BAZ2B: variants seen among roughly 807,000 people sequenced by gnomAD.
BAZ2B encodes bromodomain adjacent to zinc finger domain 2B, also known as bromodomain adjacent to zinc finger domain protein 2B.
In BAZ2B, 91 loss-of-function variants were observed where a neutral mutation model predicts 246.0. The observed-to-expected ratio is 0.37, with a 90% CI of 0.31 to 0.44. The LOEUF (loss-of-function observed/expected upper bound fraction) is 0.44. BAZ2B is among the 20% of genes least tolerant of loss of function. The pLI is 1.00. For missense variants in BAZ2B, 2,332 were observed against 2,533.7 expected, an observed-to-expected ratio of 0.92 and a Z score of 1.71; for synonymous variants, 855 against 860.0, an observed-to-expected ratio of 0.99 and a Z score of 0.10.
chr2:159,376,442 T>TCC (rs1179864813), intron 25 of BAZ2B, among the ~76,000 whole-genome samples: 2 of 152,182 alleles, frequency 1.3e-5, no homozygotes, highest in Non-Finnish European at 2.9e-5. Flanking sequence ...TGTACCATTA[T>TCC]CTCTCATTCA....
chr2:159,629,955 G>A, the BAZ2B span, among the ~76,000 whole-genome samples: 4 of 152,122 alleles, frequency 2.6e-5, no homozygotes, highest in Non-Finnish European at 4.4e-5. Context: ...AGTATAGTAT[G>A]TCACCATTCA....
At chr2:159,428,202 G>T in intron 12 of BAZ2B, 109 bp downstream of exon 12, 1 of 1,129,956 alleles carries the variant, frequency 8.8e-7, no homozygotes, top group Non-Finnish European at 1.3e-6. Flanking sequence ...CCATACAAGA[G>T]AATATTTAGT....
chr2:159,356,252 C>T (rs116281782), intron 27 of BAZ2B, among the ~76,000 whole-genome samples: 4,540 of 152,328 alleles, frequency 0.03, 127 homozygotes, highest in African/African-American at 0.075. Flanking sequence ...GAAATCCTCA[C>T]TGCAAGCACA....
intron 27 of BAZ2B, among the ~76,000 whole-genome samples, chr2:159,359,889 T>C (rs965952935): frequency 2.0e-5 from 3 of 151,978 alleles, no homozygotes; most frequent in Non-Finnish European, 4.4e-5. Flanking sequence ...GAAAAGGCCT[T>C]TGACAAAATT....
intron 2 of BAZ2B, among the ~76,000 whole-genome samples, chr2:159,499,586 G>A (rs1223394422): frequency 6.6e-6 from 1 of 152,118 alleles, no homozygotes; most frequent in Non-Finnish European, 1.5e-5. Context: ...CTAGATCTTT[G>A]AGGAATCGCC....
intron 1 of BAZ2B, among the ~76,000 whole-genome samples, chr2:159,596,406 C>A (rs1158171362): frequency 1.3e-5 from 2 of 152,106 alleles, no homozygotes; most frequent in African/African-American, 4.8e-5. Flanking sequence ...AAAGTTTGTT[C>A]AAGAATATAA....
At chr2:159,632,022 A>G in the BAZ2B span, among the ~76,000 whole-genome samples, 18 of 152,210 alleles carry the variant, frequency 1.2e-4, 1 homozygote, top group Non-Finnish European at 2.9e-5. Context: ...GTGAGTTTCA[A>G]TGCAGACAAA....
the BAZ2B span, among the ~76,000 whole-genome samples, chr2:159,657,139 T>C: frequency 6.6e-6 from 1 of 152,198 alleles, no homozygotes; most frequent in Non-Finnish European, 1.5e-5. Flanking sequence ...TTTAGGTCTA[T>C]CCATGCTTAA....
chr2:159,453,409 A>G (rs1406478733), intron 4 of BAZ2B, among the ~76,000 whole-genome samples: 5 of 152,208 alleles, frequency 3.3e-5, no homozygotes, highest in Admixed American at 1.3e-4. Flanking sequence ...AAATACCTGG[A>G]TATCTAATTA....
chr2:159,336,991 ATGCACAGAGCTACCTGTGCAGCAC>A lies in BAZ2B; in HGVS notation c.5723_5746del (p.Ser1908_Cys1915del). Reference sequence around the variant, plus strand: ...TGCTATTGATTTCTGTAATTGCTGAATGCACAGAGCTACCTGTGCAGCACTGCGAGCTTCTGATAATGCCCTTCT... The same window carrying A: ...TGCTATTGATTTCTGTAATTGCTGAATGCGAGCTTCTGATAATGCCCTTCT... On this transcript the variant is annotated inframe_deletion, in exon 33 of 37. Transcript: ENST00000392783. 1 of 1,610,834 alleles carries A rather than the reference ATGCACAGAGCTACCTGTGCAGCAC, an allele frequency of 6.2e-7. No homozygotes were observed. Among genetic ancestry groups the A allele is most frequent in the Non-Finnish European group, 8.5e-7 (1 of 1,177,264 alleles).
the BAZ2B span, among the ~76,000 whole-genome samples, chr2:159,677,323 C>T: frequency 6.6e-6 from 1 of 151,932 alleles, no homozygotes; most frequent in Admixed American, 6.6e-5. Context: ...AGACTGAATA[C>T]AACACAATGA....
intron 6 of BAZ2B, among the ~76,000 whole-genome samples, chr2:159,440,835 C>G (rs1004966457): frequency 6.6e-6 from 1 of 152,006 alleles, no homozygotes; most frequent in African/African-American, 2.4e-5. Flanking sequence ...TTAACTGCTC[C>G]AAACTAGTTA....
intron 1 of BAZ2B, among the ~76,000 whole-genome samples, chr2:159,595,217 C>T (rs955867561): frequency 1.3e-5 from 2 of 152,072 alleles, no homozygotes; most frequent in African/African-American, 4.8e-5. Context: ...ATTCTCCTGC[C>T]TCATCCTCCT....
chr2:159,415,212 T>C (rs2067473957), intron 13 of BAZ2B, among the ~76,000 whole-genome samples: 2 of 151,936 alleles, frequency 1.3e-5, no homozygotes, highest in African/African-American at 2.4e-5. Context: ...TTTGGGAGGC[T>C]AAGGCGGGCA....
At chr2:159,342,418 T>C (rs2149041475) in intron 31 of BAZ2B, among the ~76,000 whole-genome samples, 1 of 152,310 alleles carries the variant, frequency 6.6e-6, no homozygotes, top group South Asian at 2.1e-4. Flanking sequence ...CCCAAGTAGC[T>C]GGGACTATAG....
chr2:159,385,461 G>T, intron 22 of BAZ2B, 92 bp from the exon 23 acceptor site: 1 of 1,128,526 alleles, frequency 8.9e-7, no homozygotes, highest in Non-Finnish European at 1.3e-6. Flanking sequence ...ATTTGATTTA[G>T]ATACTACTGA....
chr2:159,373,149 T>C lies in BAZ2B; in HGVS notation c.4109A>G (p.His1370Arg). ...GCCAAACATCACTGAACGCAATGAG[T>C]GAGACGCATCAAAGAGCTTCCTTCT... ...QYRRKLFDAS[H>R]SLRSVMFGQD... The change falls in exon 27 of 37, where the codon CAC (histidine) becomes CGC (arginine). Residue 1370 changes from histidine to arginine, a missense_variant. Around this residue, in one of 9 missense-constraint regions of BAZ2B, gnomAD observed 676 missense variants for 668.6 expected, o/e 1.01. Coordinates refer to ENST00000392783, the MANE Select transcript of BAZ2B (RefSeq NM_013450.4). 1.2e-6 allele frequency: 2 copies of C among 1,613,912 alleles called. No homozygotes were observed. The highest frequency in any genetic ancestry group is 4.5e-5 in the East Asian group (2 of 44,856).
rs766380006 is a variant in BAZ2B at position 159,373,209 on chromosome 2, T to A, written c.4069-20A>T. 6.3e-7 allele frequency: 1 copy of A among 1,597,220 alleles called. No individual in the cohort carries two copies. Among genetic ancestry groups the A allele is most frequent in the African/African-American group, 1.3e-5 (1 of 74,434 alleles). ...CTGTTGCTGTTAAAAAAATGGTACA[T>A]ATAATTAGGTTTGGGATGTTAAATG... On this transcript the variant is annotated intron_variant, in intron 26 of 36. Transcript: ENST00000392783.
the BAZ2B span, among the ~76,000 whole-genome samples, chr2:159,692,492 T>C: frequency 1.3e-5 from 2 of 152,072 alleles, no homozygotes; most frequent in Non-Finnish European, 2.9e-5. Context: ...GGCTATGTGG[T>C]TCATCTGCAA....
Sources: gnomAD v4.1 joint callset for allele counts (sites outside exome capture counted in the v4.1 genomes callset) on GRCh38, gnomAD v4.1.1 for gene constraint, gnomAD v4.1.1 regional missense constraint, MANE v1.5 for transcripts, NCBI Gene and HGNC (gene_info 2026-07-23, HGNC 2026-07-21) for gene names.